Variants in SEC23B observed in about 807,000 individuals in gnomAD.
SEC23B encodes SEC23 homolog B, COPII component, also known as protein transport protein Sec23B.
SEC23B carries 77 observed loss-of-function variants against 104.3 expected under a neutral mutation model. The observed-to-expected ratio is 0.74, with a 90% CI of 0.61 to 0.89. The LOEUF (loss-of-function observed/expected upper bound fraction) is 0.89. Ranked by LOEUF, SEC23B falls within the 40% of genes least tolerant of loss-of-function variation. The pLI, the probability that SEC23B is intolerant of heterozygous loss-of-function variation, is 0.00. For synonymous variants in SEC23B, 338 were observed against 332.5 expected (o/e 1.02, Z -0.18); for missense variants, 885 against 949.4 (o/e 0.93, Z 0.89).
intron 6 of SEC23B, among the ~76,000 whole-genome samples, chr20:18,525,372 C>T (rs117175633): frequency 0.018 from 2,773 of 152,250 alleles, 49 homozygotes; most frequent in South Asian, 0.03. Context: ...ATGCATTGCC[C>T]GACATGCTGA....
intron 10 of SEC23B, among the ~76,000 whole-genome samples, chr20:18,531,832 A>G (rs2060190838): frequency 2.0e-5 from 3 of 151,940 alleles, no homozygotes; most frequent in Non-Finnish European, 4.4e-5. Flanking sequence ...GGGTGATTGC[A>G]TGAGCTTTGG....
At position 18,510,828 on chromosome 20, in the gene SEC23B, T is replaced by C. The variant is rs766083236; in HGVS notation, c.-8T>C. On this transcript the variant is annotated 5_prime_UTR_variant, in exon 2 of 20. Transcript: ENST00000650089. ...ATTAAAGTTTTATCTTCAGTTCCCT[T>C]TTAGACTATGGCGACATACCTGGAG... 1 of 1,612,876 alleles carries C rather than the reference T, an allele frequency of 6.2e-7. No individual in the cohort carries two copies. The highest frequency in any genetic ancestry group is 1.1e-5 in the South Asian group (1 of 91,036).
intron 13 of SEC23B, 33 bp from the exon 14 acceptor site, chr20:18,542,986 A>G (rs1161365557): frequency 1.2e-6 from 2 of 1,613,824 alleles, no homozygotes; most frequent in Non-Finnish European, 8.5e-7. Flanking sequence ...TCTCTCCTAA[A>G]CATAAGCATG....
Position 18,522,563 on chromosome 20 carries a change from C to T in SEC23B, c.367-1870C>T, listed in dbSNP as rs186279935. ...TGGTCCGAGGACCTGAGGTCGTAGG[C>T]GGATCTCTTCACGGGGTGAGGGTGA... is the stretch of plus-strand genomic sequence containing the variant. On this transcript the variant is annotated intron_variant, in intron 4 of 19. Transcript: ENST00000650089. Among the ~76,000 whole-genome samples, 20 of 152,280 alleles carry T rather than the reference C, an allele frequency of 1.3e-4. No homozygotes were observed. The East Asian group carries it at 3.3e-3, about 25-fold the overall frequency.
At chr20:18,540,252 T>C (rs1203335308) in intron 12 of SEC23B, among the ~76,000 whole-genome samples, 1 of 152,222 alleles carries the variant, frequency 6.6e-6, no homozygotes, top group East Asian at 1.9e-4. Flanking sequence ...AATTTCTCCT[T>C]GATTCATGGG....
chr20:18,555,272 G>A (rs2060425857), intron 19 of SEC23B, 99 bp downstream of exon 19: 3 of 961,320 alleles, frequency 3.1e-6, no homozygotes, highest in East Asian at 2.5e-5. Context: ...CCTGGAGACA[G>A]AATAACTGCG....
chr20:18,526,014 A>G, intron 7 of SEC23B, 82 bp downstream of exon 7: 1 of 1,467,372 alleles, frequency 6.8e-7, no homozygotes, highest in Admixed American at 1.7e-5. Flanking sequence ...TTTGAAAATC[A>G]CTTGTGATCT....
rs11696673 is a variant in SEC23B at position 18,554,350 on chromosome 20, C to G, written c.2108C>G (p.Pro703Arg). 6.2e-7 allele frequency: 1 copy of G among 1,614,002 alleles called. No homozygotes were observed. The highest frequency in any genetic ancestry group is 8.5e-7 in the Non-Finnish European group (1 of 1,180,026). ...DAQEILQARF[P>R]MPRYINTEHG... ...CAAGAAATTCTGCAAGCACGCTTCC[C>G]GATGCCACGTTACATCAACACGGAG... The change falls in exon 18 of 20, where the codon CCG (proline) becomes CGG (arginine). Residue 703 changes from proline to arginine, a missense_variant. Pro to Arg is a moderately radical substitution (Grantham distance 103). Coordinates refer to ENST00000650089, the MANE Select transcript of SEC23B (RefSeq NM_006363.6).
At chr20:18,514,738 A>G (rs2060010462) in intron 3 of SEC23B, among the ~76,000 whole-genome samples, 1 of 152,196 alleles carries the variant, frequency 6.6e-6, no homozygotes, top group Non-Finnish European at 1.5e-5. Flanking sequence ...TATATATGGG[A>G]TGTTCTCAAC....
At chr20:18,523,802 T>C (rs1229352717) in intron 4 of SEC23B, among the ~76,000 whole-genome samples, 1 of 152,074 alleles carries the variant, frequency 6.6e-6, no homozygotes, top group Non-Finnish European at 1.5e-5. Context: ...ATTCCTGGGC[T>C]TAAGGGATCC....
At chr20:18,528,179 G>A (rs2060150275) in intron 9 of SEC23B, among the ~76,000 whole-genome samples, 1 of 152,172 alleles carries the variant, frequency 6.6e-6, no homozygotes. Flanking sequence ...GCCTTACCCA[G>A]ACCTCCTGAA....
At chr20:18,509,141 G>C (rs975056723) in intron 1 of SEC23B, among the ~76,000 whole-genome samples, 22 of 152,292 alleles carry the variant, frequency 1.4e-4, no homozygotes, top group African/African-American at 5.1e-4. Flanking sequence ...TTATCCCTTT[G>C]CTTCCCATGA....
chr20:18,541,793 T>C (rs776980541), intron 12 of SEC23B, among the ~76,000 whole-genome samples: 6 of 152,330 alleles, frequency 3.9e-5, no homozygotes, highest in Non-Finnish European at 7.3e-5. Flanking sequence ...TGAGAATTAC[T>C]GAACTGTGAC....
At chr20:18,541,147 C>T (rs911225270) in intron 12 of SEC23B, among the ~76,000 whole-genome samples, 1 of 152,238 alleles carries the variant, frequency 6.6e-6, no homozygotes, top group Non-Finnish European at 1.5e-5. Flanking sequence ...CCAACCTCTG[C>T]CAGCTTCCAG....
Position 18,524,487 on chromosome 20 carries a change from G to C in SEC23B, c.421G>C (p.Glu141Gln). 6.2e-7 allele frequency: 1 copy of C among 1,614,210 alleles called. No homozygotes were observed. Among genetic ancestry groups the C allele is most frequent in the South Asian group, 1.1e-5 (1 of 91,086 alleles). ...CTATGTGGTTGACACATGCCTGGAG[G>C]AAGATGACCTTCAAGCACTCAAAGA... ...FLYVVDTCLEEDDLQALKESL... is the reference protein window; with the variant it reads ...FLYVVDTCLEQDDLQALKESL... The change falls in exon 5 of 20, where the codon GAA becomes CAA. Residue 141 changes from glutamate (E) to glutamine (Q), a missense_variant. By Grantham distance (29) the Glu-to-Gln change is conservative. Coordinates refer to ENST00000650089, the MANE Select transcript of SEC23B (RefSeq NM_006363.6).
chr20:18,553,471 C>A (rs112108627), intron 17 of SEC23B, among the ~76,000 whole-genome samples: 1 of 152,130 alleles, frequency 6.6e-6, no homozygotes, highest in Admixed American at 6.5e-5. Context: ...AAATAACATG[C>A]GAAAGCACTT....
chr20:18,543,136 T>C lies in SEC23B; in HGVS notation c.1629T>C (p.Asp543=). 6.2e-7 allele frequency: 1 copy of C among 1,614,166 alleles called. No homozygotes were observed. The highest frequency in any genetic ancestry group is 1.1e-5 in the South Asian group (1 of 91,086). Residue 543 remains aspartate, a synonymous_variant, in exon 14 of 20, where the codon GAT becomes GAC. Transcript: ENST00000650089. ...GAGCGGAGTCAGAGGAGGGGCCCGA[T>C]GTGCTCCGGTGGCTGGACCGACAAC... ...VFRAESEEGP[D]VLRWLDRQLI...
intron 4 of SEC23B, among the ~76,000 whole-genome samples, chr20:18,516,416 T>C (rs1381670775): frequency 6.6e-6 from 1 of 152,204 alleles, no homozygotes; most frequent in Non-Finnish European, 1.5e-5. Context: ...TTGTGTTTTA[T>C]TGGAAAACTT....
At chr20:18,508,054 G>A (rs2059946737) in intron 1 of SEC23B, 82 bp downstream of exon 1, 1 of 152,612 alleles carries the variant, frequency 6.6e-6, no homozygotes. Context: ...CCGGGGGCGA[G>A]GTGAGCGGCT....
Sources: allele counts gnomAD v4.1 joint callset (sites outside exome capture counted in the v4.1 genomes callset), GRCh38; gene constraint gnomAD v4.1.1; transcripts MANE v1.5; gene names NCBI Gene and HGNC (gene_info 2026-07-23, HGNC 2026-07-21).